The following CIMAP2 variants were observed in gnomAD, a reference collection of about 807,000 sequenced individuals.
The protein encoded by CIMAP2 is ciliary microtubule associated protein 2, also known as ciliary microtubule-associated protein 2.
At chr1:54,807,721 T>G in the CIMAP2 span, 49 of 1,549,172 alleles carry the variant, frequency 3.2e-5, no homozygotes, top group Middle Eastern at 1.8e-4. Flanking sequence ...CCTCTCCCTC[T>G]CTGGTGCCAG....
At chr1:54,811,692 A>T in the CIMAP2 span, 8 of 1,362,560 alleles carry the variant, frequency 5.9e-6, no homozygotes, top group Non-Finnish European at 8.2e-6. Context: ...TGAAAATCCC[A>T]TTCCCTTCTT....
the CIMAP2 span, among the ~76,000 whole-genome samples, chr1:54,837,336 C>G: frequency 6.6e-6 from 1 of 152,118 alleles, no homozygotes; most frequent in South Asian, 2.1e-4. Flanking sequence ...GAGGCTCCAA[C>G]AAGTTGGTGA....
At chr1:54,829,240 C>T in the CIMAP2 span, among the ~76,000 whole-genome samples, 1 of 152,164 alleles carries the variant, frequency 6.6e-6, no homozygotes, top group African/African-American at 2.4e-5. Context: ...CTTTTAGACC[C>T]ATCTCCAACC....
At chr1:54,819,812 TTTTC>T in the CIMAP2 span, among the ~76,000 whole-genome samples, 321 of 100,422 alleles carry the variant, frequency 3.2e-3, no homozygotes, top group East Asian at 6.7e-3. Flanking sequence ...TTCTTTTTCT[TTTTC>T]TTTCTTTCTC....
the CIMAP2 span, among the ~76,000 whole-genome samples, chr1:54,823,516 C>T: frequency 6.6e-6 from 1 of 152,180 alleles, no homozygotes; most frequent in African/African-American, 2.4e-5. Flanking sequence ...ATCTTCTAGA[C>T]AGCAGCCAGT....
chr1:54,810,533 T>C, the CIMAP2 span, among the ~76,000 whole-genome samples: 1 of 152,124 alleles, frequency 6.6e-6, no homozygotes, highest in Non-Finnish European at 1.5e-5. Context: ...CTGATGCCCT[T>C]AGTGGCCTGA....
chr1:54,836,596 CAGA>C, the CIMAP2 span, among the ~76,000 whole-genome samples: 21,398 of 151,800 alleles, frequency 0.14, 1,694 homozygotes, highest in African/African-American at 0.19. Flanking sequence ...GGTCAGAACA[CAGA>C]AGGTCTCAGG....
the CIMAP2 span, among the ~76,000 whole-genome samples, chr1:54,806,807 GTGGGT>G: frequency 4.0e-4 from 57 of 142,318 alleles, no homozygotes; most frequent in African/African-American, 1.6e-3. Flanking sequence ...GGAGGAGCTG[GTGGGT>G]GGGGTGGGGT....
chr1:54,834,391 A>G, the CIMAP2 span, among the ~76,000 whole-genome samples: 3 of 152,204 alleles, frequency 2.0e-5, no homozygotes, highest in Admixed American at 1.3e-4. Context: ...AACTCCATGA[A>G]AGGAACTCAT....
At chr1:54,806,980 C>G in the CIMAP2 span, 4 of 1,608,850 alleles carry the variant, frequency 2.5e-6, no homozygotes, top group South Asian at 4.4e-5. Context: ...CTCACTGGGC[C>G]ACCGTCCCTC....
At chr1:54,822,301 C>T in the CIMAP2 span, among the ~76,000 whole-genome samples, 3 of 151,860 alleles carry the variant, frequency 2.0e-5, no homozygotes, top group Non-Finnish European at 4.4e-5. Context: ...TCTTATTTAA[C>T]ATAGTACTAG....
At chr1:54,814,852 C>G in the CIMAP2 span, 2 of 1,608,176 alleles carry the variant, frequency 1.2e-6, no homozygotes, top group East Asian at 2.2e-5. Context: ...CTCACCTGCC[C>G]TGGGCCCAGG....
At chr1:54,826,788 C>A in the CIMAP2 span, among the ~76,000 whole-genome samples, 2 of 152,222 alleles carry the variant, frequency 1.3e-5, no homozygotes, top group Non-Finnish European at 2.9e-5. Flanking sequence ...CCAGCTGCTT[C>A]GCTTCCTTCT....
the CIMAP2 span, among the ~76,000 whole-genome samples, chr1:54,834,930 CCTAT>C: frequency 6.6e-6 from 1 of 152,192 alleles, no homozygotes; most frequent in East Asian, 1.9e-4. Flanking sequence ...TGCTTTATGA[CCTAT>C]CTTTCTACCT....
chr1:54,808,801 A>C, the CIMAP2 span, among the ~76,000 whole-genome samples: 11 of 151,928 alleles, frequency 7.2e-5, no homozygotes, highest in Admixed American at 2.6e-4. Flanking sequence ...ACGAGGGAGA[A>C]AGCAGGAGTC....
the CIMAP2 span, among the ~76,000 whole-genome samples, chr1:54,840,978 G>C: frequency 1.3e-5 from 2 of 152,200 alleles, no homozygotes; most frequent in African/African-American, 4.8e-5. Flanking sequence ...ATAGAGACAG[G>C]GAGGCTGCCT....
the CIMAP2 span, among the ~76,000 whole-genome samples, chr1:54,829,910 G>A: frequency 1.3e-5 from 2 of 149,438 alleles, no homozygotes; most frequent in East Asian, 3.9e-4. Context: ...TGTTCATTTT[G>A]GCCTCAGTCT....
At chr1:54,831,273 A>C in the CIMAP2 span, among the ~76,000 whole-genome samples, 1 of 152,216 alleles carries the variant, frequency 6.6e-6, no homozygotes, top group Non-Finnish European at 1.5e-5. Context: ...AAATATTGGG[A>C]TATATATGAA....
At chr1:54,831,857 A>G in the CIMAP2 span, among the ~76,000 whole-genome samples, 84 of 152,302 alleles carry the variant, frequency 5.5e-4, no homozygotes, top group African/African-American at 1.9e-3. Context: ...TATAATAACC[A>G]TGAACTTTTT....
Sources: allele counts gnomAD v4.1 joint callset (sites outside exome capture counted in the v4.1 genomes callset), GRCh38; gene constraint gnomAD v4.1.1; transcripts MANE v1.5; gene names NCBI Gene and HGNC (gene_info 2026-07-23, HGNC 2026-07-21).